Variants in MRTFA observed in about 807,000 individuals in gnomAD.
MRTFA encodes the protein myocardin related transcription factor A, also known as myocardin-related transcription factor A.
In MRTFA, 20 loss-of-function variants were observed where a neutral mutation model predicts 83.5. The ratio of observed to expected loss-of-function variants is 0.24; its 90% confidence interval spans 0.17 to 0.35. The LOEUF (loss-of-function observed/expected upper bound fraction) is 0.35, where lower values mean the gene tolerates loss of function less well. Ranked by LOEUF, MRTFA falls within the 10% of genes least tolerant of loss-of-function variation. The pLI is 1.00. For missense variants in MRTFA, 1,200 were observed against 1,224.7 expected, an observed-to-expected ratio of 0.98 and a Z score of 0.30; for synonymous variants, 659 against 541.2, an observed-to-expected ratio of 1.22 and a Z score of -3.02.
chr22:40,461,126 G>A (rs899565028), intron 4 of MRTFA, among the ~76,000 whole-genome samples: 5 of 143,656 alleles, frequency 3.5e-5, no homozygotes, highest in Non-Finnish European at 7.5e-5. Flanking sequence ...CTGCTTGAAA[G>A]CCAGAGAGGT....
At chr22:40,443,419 C>G (rs1325927376) in intron 4 of MRTFA, among the ~76,000 whole-genome samples, 1 of 152,002 alleles carries the variant, frequency 6.6e-6, no homozygotes, top group African/African-American at 2.4e-5. Context: ...GTGGAGAGAA[C>G]TAGCTAGGGA....
chr22:40,550,867 T>G (rs1249832652), intron 3 of MRTFA, among the ~76,000 whole-genome samples: 1 of 144,392 alleles, frequency 6.9e-6, no homozygotes, highest in Non-Finnish European at 1.5e-5. Flanking sequence ...TTTTTTTTTT[T>G]TGAGACGGAA....
chr22:40,513,773 C>T (rs2054708692), intron 3 of MRTFA, among the ~76,000 whole-genome samples: 1 of 151,804 alleles, frequency 6.6e-6, no homozygotes, highest in Admixed American at 6.6e-5. Context: ...ATATGTAGTG[C>T]TTTTAAATAT....
At chr22:40,545,030 T>C (rs1050096881) in intron 3 of MRTFA, among the ~76,000 whole-genome samples, 1 of 151,326 alleles carries the variant, frequency 6.6e-6, no homozygotes, top group Non-Finnish European at 1.5e-5. Context: ...CATAAAATCA[T>C]TGGTATATAT....
At position 40,423,705 on chromosome 22, in the gene MRTFA, G is replaced by C. The variant is rs1415324584; in HGVS notation, c.778-20C>G. On this transcript the variant is annotated intron_variant, in intron 8 of 14. Coordinates refer to ENST00000355630, the MANE Select transcript of MRTFA (RefSeq NM_020831.6). Reference sequence around the variant, plus strand: ...CACAACCTGAGAGGGAAAAAGGGAAGTGAGGACATGGCCACCTCCAGGTAG... The same window carrying C: ...CACAACCTGAGAGGGAAAAAGGGAACTGAGGACATGGCCACCTCCAGGTAG... The C allele has an allele frequency of 4.6e-6, 7 of 1,517,558 alleles. No individual in the cohort carries two copies. Among genetic ancestry groups the C allele is most frequent in the Non-Finnish European group, 5.3e-6 (6 of 1,125,156 alleles). 94.0% of individuals were successfully genotyped at this position (1,517,558 alleles called of 1,614,324 possible). A position where few individuals can be genotyped will look rare whatever the true frequency, so the allele number is the denominator to read the frequency against.
At chr22:40,460,531 G>A (rs534012328) in intron 4 of MRTFA, among the ~76,000 whole-genome samples, 2 of 152,202 alleles carry the variant, frequency 1.3e-5, no homozygotes, top group African/African-American at 4.8e-5. Context: ...TCAATGCCTT[G>A]AGGGCAGATA....
intron 3 of MRTFA, among the ~76,000 whole-genome samples, chr22:40,527,878 C>A (rs532253158): frequency 1.1e-3 from 165 of 151,610 alleles, no homozygotes; most frequent in African/African-American, 3.9e-3. Flanking sequence ...AACTGTAGTT[C>A]TTGGTCTTGA....
intron 3 of MRTFA, among the ~76,000 whole-genome samples, chr22:40,519,929 T>G (rs1350652278): frequency 1.3e-5 from 2 of 152,234 alleles, no homozygotes; most frequent in African/African-American, 4.8e-5. Context: ...AGAGATAATT[T>G]TATTATAAGT....
intron 3 of MRTFA, among the ~76,000 whole-genome samples, chr22:40,492,993 G>A (rs566216120): frequency 6.6e-6 from 1 of 152,348 alleles, no homozygotes; most frequent in African/African-American, 2.4e-5. Flanking sequence ...GCTAGAGTCA[G>A]AGATAATATA....
intron 3 of MRTFA, among the ~76,000 whole-genome samples, chr22:40,506,726 T>TTTTCTA (rs892125043): frequency 6.6e-6 from 1 of 152,166 alleles, no homozygotes; most frequent in Admixed American, 6.5e-5. Flanking sequence ...CAACTACTGT[T>TTTTCTA]TTTCTATATA....
At chr22:40,583,081 T>G (rs1490257308) in intron 2 of MRTFA, among the ~76,000 whole-genome samples, 3 of 151,706 alleles carry the variant, frequency 2.0e-5, no homozygotes, top group African/African-American at 7.3e-5. Flanking sequence ...CTGAAAAGCC[T>G]GAGAGCTACA....
At chr22:40,586,021 C>T (rs556201972) in intron 2 of MRTFA, among the ~76,000 whole-genome samples, 2 of 152,158 alleles carry the variant, frequency 1.3e-5, no homozygotes, top group South Asian at 2.1e-4. Context: ...TTTTAGATAT[C>T]GATATACTTA....
At chr22:40,487,753 G>A (rs551879304) in intron 3 of MRTFA, among the ~76,000 whole-genome samples, 6 of 152,174 alleles carry the variant, frequency 3.9e-5, no homozygotes, top group Admixed American at 1.3e-4. Context: ...GGCCAGAATC[G>A]TTAATGAGAC....
chr22:40,577,274 A>G (rs1408509332), intron 2 of MRTFA, among the ~76,000 whole-genome samples: 2 of 151,098 alleles, frequency 1.3e-5, no homozygotes, highest in Non-Finnish European at 2.9e-5. Context: ...AAAAAAGACT[A>G]TAATGAGATT....
At chr22:40,459,870 T>C (rs1481258315) in intron 4 of MRTFA, among the ~76,000 whole-genome samples, 6 of 119,272 alleles carry the variant, frequency 5.0e-5, no homozygotes, top group Non-Finnish European at 7.0e-5. Context: ...TATACACACA[T>C]GAATGATACT....
intron 3 of MRTFA, among the ~76,000 whole-genome samples, chr22:40,472,557 TAAG>T (rs1327316644): frequency 1.3e-5 from 2 of 152,228 alleles, no homozygotes; most frequent in African/African-American, 4.8e-5. Context: ...TTGAAAAACT[TAAG>T]AATGAATAAC....
chr22:40,483,716 A>C (rs1421509577), intron 3 of MRTFA, among the ~76,000 whole-genome samples: 3 of 151,868 alleles, frequency 2.0e-5, no homozygotes, highest in Non-Finnish European at 2.9e-5. Context: ...TAAAATAAAA[A>C]GATAGGTCTC....
At chr22:40,497,035 C>T (rs1003295692) in intron 3 of MRTFA, among the ~76,000 whole-genome samples, 6 of 152,152 alleles carry the variant, frequency 3.9e-5, no homozygotes, top group Non-Finnish European at 8.8e-5. Flanking sequence ...TATCAAGTAC[C>T]AGGTGTTGTG....
At chr22:40,612,503 G>C (rs1456875983) in intron 1 of MRTFA, among the ~76,000 whole-genome samples, 4 of 152,176 alleles carry the variant, frequency 2.6e-5, no homozygotes, top group African/African-American at 9.7e-5. Context: ...TTTTTGTTTA[G>C]TCCACAGAGT....
Sources: allele counts gnomAD v4.1 joint callset (sites outside exome capture counted in the v4.1 genomes callset), GRCh38; gene constraint gnomAD v4.1.1; transcripts MANE v1.5; gene names NCBI Gene and HGNC (gene_info 2026-07-23, HGNC 2026-07-21).